The following PTK2B variants were observed in gnomAD, a reference collection of about 807,000 sequenced individuals.
The protein encoded by PTK2B is protein tyrosine kinase 2 beta.
In PTK2B, 71 loss-of-function variants were observed where a neutral mutation model predicts 142.9. That is an observed-to-expected ratio of 0.50 (90% CI 0.41 to 0.61). PTK2B has a LOEUF of 0.61. PTK2B is among the 20% of genes least tolerant of loss of function. The pLI is 0.00. For synonymous variants in PTK2B, 519 were observed against 503.4 expected (o/e 1.03, Z -0.42); for missense variants, 1,105 against 1,320.4 (o/e 0.84, Z 2.53).
At chr8:27,347,501 A>G (rs934573255) in intron 1 of PTK2B, among the ~76,000 whole-genome samples, 1 of 149,204 alleles carries the variant, frequency 6.7e-6, no homozygotes, top group African/African-American at 2.5e-5. Context: ...GTCCAACATC[A>G]AGGTGTCAGC....
intron 2 of PTK2B, among the ~76,000 whole-genome samples, chr8:27,399,133 G>A (rs770698294): frequency 4.1e-4 from 63 of 152,340 alleles, no homozygotes; most frequent in Non-Finnish European, 1.5e-4. Flanking sequence ...GCCATCCACT[G>A]TGAATTTTAC....
At chr8:27,445,996 C>T in intron 24 of PTK2B, 77 bp downstream of exon 24, 5 of 1,584,016 alleles carry the variant, frequency 3.2e-6, no homozygotes, top group Non-Finnish European at 3.4e-6. Context: ...ACACTGGAAA[C>T]CCCACGTCCT....
intron 1 of PTK2B, among the ~76,000 whole-genome samples, chr8:27,377,596 G>C (rs1242279215): frequency 6.6e-6 from 1 of 152,198 alleles, no homozygotes; most frequent in Non-Finnish European, 1.5e-5. Flanking sequence ...CCCTTTCTGA[G>C]CCAGTGTCTC....
chr8:27,360,633 G>A (rs1289420128), intron 1 of PTK2B, among the ~76,000 whole-genome samples: 1 of 152,132 alleles, frequency 6.6e-6, no homozygotes, highest in East Asian at 1.9e-4. Flanking sequence ...AAAGGGGTGG[G>A]GGTGGGTGAG....
rs1318428019 is a variant in PTK2B at position 27,440,326 on chromosome 8, G to A, written c.1924G>A (p.Asp642Asn). ...TGTCATCGGGGTGCTGGAGAAAGGA[G>A]ACCGGCTGCCCAAGCCTGATCTCTG... ...KDVIGVLEKG[D>N]RLPKPDLCPP... Residue 642 changes from aspartate (D) to asparagine (N), a missense_variant, in exon 21 of 31, where the codon GAC (aspartate) becomes AAC (asparagine). By Grantham distance (23) the Asp-to-Asn change is conservative. Transcript: ENST00000346049. 3 of 1,614,204 alleles carry A rather than the reference G, an allele frequency of 1.9e-6. No individual in the cohort carries two copies. Among genetic ancestry groups the A allele is most frequent in the Non-Finnish European group, 2.5e-6 (3 of 1,180,034 alleles).
chr8:27,350,503 G>T (rs1804980415), intron 1 of PTK2B, among the ~76,000 whole-genome samples: 1 of 152,134 alleles, frequency 6.6e-6, no homozygotes, highest in Non-Finnish European at 1.5e-5. Context: ...GGGGAGAGGG[G>T]TGCAACCCCA....
At chr8:27,374,041 G>T (rs949297644) in intron 1 of PTK2B, among the ~76,000 whole-genome samples, 1 of 151,980 alleles carries the variant, frequency 6.6e-6, no homozygotes, top group Non-Finnish European at 1.5e-5. Flanking sequence ...GAGAAAGCAG[G>T]CTTGCAGTGA....
chr8:27,428,326 C>CGTGGGTT (rs1810208630), intron 5 of PTK2B, among the ~76,000 whole-genome samples: 1 of 152,198 alleles, frequency 6.6e-6, no homozygotes, highest in African/African-American at 2.4e-5. Flanking sequence ...AGGCCAGGAC[C>CGTGGGTT]GGTCCATGGT....
intron 1 of PTK2B, among the ~76,000 whole-genome samples, chr8:27,350,206 A>G (rs1434618467): frequency 6.6e-6 from 1 of 152,230 alleles, no homozygotes; most frequent in Non-Finnish European, 1.5e-5. Context: ...AGACAGTGGA[A>G]TTTGCAAATG....
At chr8:27,348,151 CAG>C (rs1370247994) in intron 1 of PTK2B, among the ~76,000 whole-genome samples, 2 of 152,194 alleles carry the variant, frequency 1.3e-5, no homozygotes, top group Non-Finnish European at 2.9e-5. Flanking sequence ...GGGAAAAAAA[CAG>C]AAATATCCCC....
intron 3 of PTK2B, 62 bp from the exon 4 acceptor site, chr8:27,420,595 C>G: frequency 6.6e-7 from 1 of 1,507,808 alleles, no homozygotes; most frequent in Non-Finnish European, 9.2e-7. Context: ...CCTTGGGGTC[C>G]TACTCCTTTC....
intron 1 of PTK2B, among the ~76,000 whole-genome samples, chr8:27,377,965 T>C (rs907822024): frequency 2.6e-5 from 4 of 152,164 alleles, no homozygotes; most frequent in Non-Finnish European, 4.4e-5. Flanking sequence ...GGCATTTACT[T>C]TGGGGAAGGG....
At chr8:27,438,897 C>T in intron 18 of PTK2B, 134 bp from the exon 19 acceptor site, 1 of 799,088 alleles carries the variant, frequency 1.3e-6, no homozygotes, top group Non-Finnish European at 2.0e-6. Context: ...ACAGAAGCTG[C>T]CCGATTCTGC....
rs60722794 is a variant in PTK2B at position 27,350,718 on chromosome 8, C to T, written c.-38+25037C>T. 7.1e-3 allele frequency among the ~76,000 whole-genome samples: 1,082 copies of T among 151,808 alleles called. 10 individuals carry two copies. The highest frequency in any genetic ancestry group is 0.025 in the African/African-American group (1,035 of 41,350). On this transcript the variant is annotated intron_variant, in intron 1 of 30. Coordinates refer to ENST00000346049, the MANE Select transcript of PTK2B (RefSeq NM_173176.3). ...TTGGGGCTGGGCAAGGTGGCTGATG[C>T]CTGTAATCCCAGCACTTTGGGAGGC... is the stretch of plus-strand genomic sequence containing the variant.
intron 1 of PTK2B, among the ~76,000 whole-genome samples, chr8:27,326,663 T>G (rs1803439102): frequency 6.6e-6 from 1 of 152,140 alleles, no homozygotes; most frequent in East Asian, 1.9e-4. Context: ...CGTGGGATGC[T>G]CTCTGTTCAC....
chr8:27,435,619 G>C lies in PTK2B; in HGVS notation c.1193-124G>C, dbSNP rs1001571761. The C allele has an allele frequency of 7.6e-6, 9 of 1,190,316 alleles. No individual in the cohort carries two copies. The East Asian group carries it at 1.4e-4, about 19-fold the overall frequency. The allele number at this position is 1,190,316 out of a possible 1,614,324, so 73.7% of individuals were successfully genotyped here. ...AACCTGGGCTGGGAGCCCGGGACAT[G>C]CCTGGCTTCTCCTCCTACCCCCTTG... On this transcript the variant is annotated intron_variant, in intron 13 of 30. Transcript: ENST00000346049.
chr8:27,312,163 T>C (rs1479860603), intron 1 of PTK2B: 1 of 152,242 alleles, frequency 6.6e-6, no homozygotes, highest in African/African-American at 2.4e-5. Flanking sequence ...TTGATCACTT[T>C]ACAGCCTCCA....
chr8:27,450,626 G>A, intron 24 of PTK2B, 123 bp from the exon 25 acceptor site: 2 of 1,259,078 alleles, frequency 1.6e-6, no homozygotes, highest in African/African-American at 1.5e-5. Context: ...AAACTTATGA[G>A]AAAAAAGCAG....
At chr8:27,433,247 G>A in intron 10 of PTK2B, 188 bp from the exon 11 acceptor site, 1 of 579,660 alleles carries the variant, frequency 1.7e-6, no homozygotes, top group South Asian at 2.1e-5. Context: ...TGGAGAGCAT[G>A]GGCGTACAGG....
Sources: gnomAD v4.1 joint callset for allele counts (sites outside exome capture counted in the v4.1 genomes callset) on GRCh38, gnomAD v4.1.1 for gene constraint, MANE v1.5 for transcripts, NCBI Gene and HGNC (gene_info 2026-07-23, HGNC 2026-07-21) for gene names.